The following TBC1D14 variants were observed in gnomAD, a reference collection of about 807,000 sequenced individuals.
The protein encoded by TBC1D14 is TBC1 domain family, member 14.
Under a neutral mutation model 79.0 loss-of-function variants are expected in TBC1D14, and 26 were observed. The observed-to-expected ratio is 0.33, with a 90% CI of 0.24 to 0.46. The LOEUF (loss-of-function observed/expected upper bound fraction) is 0.46, where lower values mean the gene tolerates loss of function less well. TBC1D14 is among the 20% of genes least tolerant of loss of function. TBC1D14 has a pLI of 1.00. For synonymous variants in TBC1D14, 394 were observed against 349.9 expected (o/e 1.13, Z -1.40); for missense variants, 769 against 887.6 (o/e 0.87, Z 1.70).
At chr4:7,009,975 A>G in intron 10 of TBC1D14, 27 bp downstream of exon 10, 1 of 1,612,270 alleles carries the variant, frequency 6.2e-7, no homozygotes. Flanking sequence ...AGTATTTTAT[A>G]ATGTTGTTAT....
At chr4:6,957,434 A>G (rs759378821) in intron 2 of TBC1D14, among the ~76,000 whole-genome samples, 1 of 152,226 alleles carries the variant, frequency 6.6e-6, no homozygotes, top group African/African-American at 2.4e-5. Context: ...GATGGAGGTG[A>G]AAGTTGCTGG....
At chr4:6,948,856 C>T (rs1383997344) in intron 2 of TBC1D14, among the ~76,000 whole-genome samples, 3 of 151,776 alleles carry the variant, frequency 2.0e-5, no homozygotes, top group East Asian at 3.9e-4. Flanking sequence ...TGAGCCACCA[C>T]GCCTGGCTAA....
intron 1 of TBC1D14, chr4:6,910,153 T>G (rs1722854713): frequency 6.6e-6 from 1 of 150,974 alleles, no homozygotes; most frequent in African/African-American, 2.4e-5. Context: ...GCGCCCGGGG[T>G]GCCGTTACGG....
chr4:6,983,219 G>T (rs1297738015), intron 3 of TBC1D14, among the ~76,000 whole-genome samples: 4 of 152,066 alleles, frequency 2.6e-5, no homozygotes, highest in African/African-American at 9.7e-5. Flanking sequence ...TGATCCGCCT[G>T]CCTTGGCCTC....
intron 3 of TBC1D14, among the ~76,000 whole-genome samples, chr4:6,993,915 C>T (rs1001317385): frequency 6.6e-6 from 1 of 152,164 alleles, no homozygotes. Context: ...GAGGCTTAGG[C>T]AGGAGAATCG....
At chr4:6,998,969 G>A (rs888381268) in intron 5 of TBC1D14, 116 bp from the exon 6 acceptor site, 8 of 872,312 alleles carry the variant, frequency 9.2e-6, no homozygotes, top group Non-Finnish European at 1.5e-5. Flanking sequence ...GCTGATGCTC[G>A]CTCTGCTTCA....
intron 12 of TBC1D14, among the ~76,000 whole-genome samples, chr4:7,017,541 T>C (rs1441292168): frequency 6.6e-6 from 1 of 151,924 alleles, no homozygotes; most frequent in Non-Finnish European, 1.5e-5. Flanking sequence ...GAACCTGGGT[T>C]GGACTGTCAG....
chr4:6,921,328 C>A (rs776072912), intron 1 of TBC1D14, among the ~76,000 whole-genome samples: 2 of 151,892 alleles, frequency 1.3e-5, no homozygotes, highest in Admixed American at 6.6e-5. Flanking sequence ...CCCACCTCAG[C>A]CTTTCAAGTA....
rs117060958 is a variant in TBC1D14 at position 6,932,935 on chromosome 4, C to T, written c.722+8824C>T. Among the ~76,000 whole-genome samples the T allele has an allele frequency of 1.3e-3, 198 of 152,184 alleles. 3 individuals are homozygous for T. The East Asian group carries it at 0.035, about 27-fold the overall frequency. ...TTATCAGGATGAAACAGCATGTTGG[C>T]GGCTGTGTCCCCGTCCCAGTCTTGG... is the stretch of plus-strand genomic sequence containing the variant. On this transcript the variant is annotated intron_variant, in intron 2 of 13. Transcript: ENST00000409757.
intron 2 of TBC1D14, among the ~76,000 whole-genome samples, chr4:6,936,483 C>A (rs1712338247): frequency 6.6e-6 from 1 of 152,176 alleles, no homozygotes. Flanking sequence ...TTTTAGCACT[C>A]AATGATGTTT....
chr4:7,004,783 G>A (rs1016581299), intron 7 of TBC1D14, 61 bp from the exon 8 acceptor site: 1 of 1,466,140 alleles, frequency 6.8e-7, no homozygotes, highest in Admixed American at 1.7e-5. Flanking sequence ...ACTGTGTTCT[G>A]TGGTGGTTTT....
rs200200429 is a variant in TBC1D14 at position 7,021,656 on chromosome 4, T to C, written c.1758-3348T>C. Among the ~76,000 whole-genome samples, 56 of 40,436 alleles carry C rather than the reference T, an allele frequency of 1.4e-3. No homozygotes were observed. In the East Asian group the frequency reaches 0.099, roughly 71 times the overall value. 26.5% of individuals were successfully genotyped at this position (40,436 alleles called of 152,430 possible). On this transcript the variant is annotated intron_variant, in intron 12 of 13. Coordinates refer to ENST00000409757, the MANE Select transcript of TBC1D14 (RefSeq NM_020773.3). ...CATTAGTTGAAGTTGTACTTGAAAT[T>C]ACTTTTTTTTTTTTTTACTTTTAAA...
intron 2 of TBC1D14, among the ~76,000 whole-genome samples, chr4:6,946,375 C>G (rs1385191659): frequency 6.6e-6 from 1 of 152,112 alleles, no homozygotes; most frequent in Non-Finnish European, 1.5e-5. Flanking sequence ...CTCTGTCACC[C>G]AGGCTGGAGT....
Position 7,025,132 on chromosome 4 carries a change from T to A in TBC1D14, c.1886T>A (p.Ile629Asn). ...ALGILKLFED[I>N]LTKMDFIHMA... ...GGCATCCTGAAGCTGTTCGAGGACA[T>A]CCTGACCAAGATGGACTTCATTCAC... is the stretch of plus-strand genomic sequence containing the variant. The change falls in exon 13 of 14, where the codon ATC becomes AAC. Residue 629 changes from isoleucine to asparagine, a missense_variant. Ile to Asn is a moderately radical substitution (Grantham distance 149, BLOSUM62 -3). Around this residue, in one of 2 missense-constraint regions of TBC1D14, gnomAD observed 367 missense variants for 494.4 expected, o/e 0.74. Transcript: ENST00000409757. The A allele has an allele frequency of 6.2e-7, 1 of 1,614,192 alleles. No individual in the cohort carries two copies. Among genetic ancestry groups the A allele is most frequent in the Non-Finnish European group, 8.5e-7 (1 of 1,180,030 alleles).
At chr4:6,940,838 T>C (rs1173236955) in intron 2 of TBC1D14, among the ~76,000 whole-genome samples, 1 of 152,134 alleles carries the variant, frequency 6.6e-6, no homozygotes, top group Non-Finnish European at 1.5e-5. Flanking sequence ...GCTTGGGAAG[T>C]GCCTGTTACA....
intron 11 of TBC1D14, among the ~76,000 whole-genome samples, chr4:7,013,412 G>C (rs1720966022): frequency 6.6e-6 from 1 of 152,242 alleles, no homozygotes; most frequent in African/African-American, 2.4e-5. Flanking sequence ...TCTGCCCCCA[G>C]GCGCCCAGCT....
At chr4:7,011,210 C>T (rs951139583) in intron 11 of TBC1D14, among the ~76,000 whole-genome samples, 3 of 152,070 alleles carry the variant, frequency 2.0e-5, no homozygotes, top group Non-Finnish European at 4.4e-5. Flanking sequence ...TGTGCCCACA[C>T]CCGGGAGAAA....
At position 7,030,607 on chromosome 4, in the gene TBC1D14, T is replaced by TTAAG; in HGVS notation, c.*215_*216insTAAG. 7 of 484,096 alleles carry TTAAG rather than the reference T, an allele frequency of 1.4e-5. No homozygotes were observed. Among genetic ancestry groups the TTAAG allele is most frequent in the Middle Eastern group, 5.8e-4 (1 of 1,710 alleles). The allele number at this position is 484,096 out of a possible 1,614,324, so 30.0% of individuals were successfully genotyped here. On this transcript the variant is annotated 3_prime_UTR_variant, in exon 14 of 14. Coordinates refer to ENST00000409757, the MANE Select transcript of TBC1D14 (RefSeq NM_020773.3). Reference sequence around the variant, plus strand: ...GCAGCTCAGTGGAAGGATGAGCTGCTGCGGACCACAGCCAGCCACTGCATC... The same window carrying TTAAG: ...GCAGCTCAGTGGAAGGATGAGCTGCTTAAGGCGGACCACAGCCAGCCACTGCATC...
At chr4:6,921,693 ATTT>A (rs35634049) in intron 1 of TBC1D14, among the ~76,000 whole-genome samples, 33 of 92,212 alleles carry the variant, frequency 3.6e-4, no homozygotes, top group Non-Finnish European at 4.6e-4. Context: ...CACCTGGCTA[ATTT>A]TTTTTTTTTT....
Sources: allele counts gnomAD v4.1 joint callset (sites outside exome capture counted in the v4.1 genomes callset), GRCh38; gene constraint gnomAD v4.1.1; regional missense constraint gnomAD v4.1.1; transcripts MANE v1.5; gene names NCBI Gene and HGNC (gene_info 2026-07-23, HGNC 2026-07-21).